The following ANXA4 variants were observed in gnomAD, a reference collection of about 807,000 sequenced individuals.
ANXA4 encodes the protein annexin A4.
ANXA4 carries 39 observed loss-of-function variants against 49.8 expected under a neutral mutation model. That is an observed-to-expected ratio of 0.78 (90% CI 0.61 to 1.02). ANXA4 has a LOEUF of 1.02. Ranked by LOEUF, ANXA4 falls within the 50% of genes least tolerant of loss-of-function variation. The pLI is 0.00. For synonymous variants in ANXA4, 134 were observed against 152.5 expected (o/e 0.88, Z 0.89); for missense variants, 360 against 410.1 (o/e 0.88, Z 1.05).
chr2:69,778,892 G>A lies in ANXA4; in HGVS notation c.-46-2628G>A, dbSNP rs1374728426. 2.0e-5 allele frequency among the ~76,000 whole-genome samples: 3 copies of A among 151,250 alleles called. No homozygotes were observed. In the East Asian group the frequency reaches 5.8e-4, roughly 29 times the overall value. On this transcript the variant is annotated intron_variant, in intron 1 of 12. Coordinates refer to ENST00000394295, the MANE Select transcript of ANXA4 (RefSeq NM_001153.5). ...GTGGGCAGATCACTTGAGGTCAGAA[G>A]TTCAAGACCAGCCTGGCCAATATGG...
chr2:69,811,790 A>G (rs1467082503), intron 7 of ANXA4, among the ~76,000 whole-genome samples: 1 of 152,002 alleles, frequency 6.6e-6, no homozygotes, highest in Non-Finnish European at 1.5e-5. Context: ...ATCATCTCCA[A>G]TTTCCACTTT....
At chr2:69,800,466 G>A (rs1251619820) in intron 3 of ANXA4, among the ~76,000 whole-genome samples, 1 of 152,174 alleles carries the variant, frequency 6.6e-6, no homozygotes, top group African/African-American at 2.4e-5. Context: ...CCTAGTTCTT[G>A]TGTTCAAATA....
At chr2:69,820,878 C>T in intron 12 of ANXA4, 57 bp downstream of exon 12, 2 of 1,563,026 alleles carry the variant, frequency 1.3e-6, no homozygotes, top group East Asian at 2.3e-5. Flanking sequence ...CCCCTCTGAC[C>T]TTGGCATTTA....
intron 2 of ANXA4, among the ~76,000 whole-genome samples, chr2:69,709,795 C>G (rs918942569): frequency 6.6e-6 from 1 of 152,096 alleles, no homozygotes; most frequent in East Asian, 1.9e-4. Context: ...ATTATGCAAG[C>G]CAGGTGTGCT....
chr2:69,818,364 G>A, intron 9 of ANXA4: 1 of 285,734 alleles, frequency 3.5e-6, no homozygotes, highest in Admixed American at 5.2e-5. Context: ...TCCCAGATAA[G>A]GGAAAGGACT....
intron 6 of ANXA4, chr2:69,809,344 C>T (rs1288645655): frequency 6.6e-6 from 1 of 152,178 alleles, no homozygotes; most frequent in African/African-American, 2.4e-5. Context: ...CTGGATTTAG[C>T]AACCCAATCC....
intron 12 of ANXA4, among the ~76,000 whole-genome samples, chr2:69,824,600 A>T (rs956687045): frequency 6.6e-6 from 1 of 152,228 alleles, no homozygotes; most frequent in African/African-American, 2.4e-5. Context: ...GAAAATATAC[A>T]AAAATGTAAC....
intron 2 of ANXA4, among the ~76,000 whole-genome samples, chr2:69,784,318 TA>T (rs1292918453): frequency 3.3e-5 from 5 of 152,236 alleles, no homozygotes; most frequent in Non-Finnish European, 7.3e-5. Flanking sequence ...CCAATTCCTC[TA>T]TCGATTCACC....
chr2:69,750,913 C>T (rs1670813268), intron 1 of ANXA4, among the ~76,000 whole-genome samples: 1 of 152,250 alleles, frequency 6.6e-6, no homozygotes, highest in African/African-American at 2.4e-5. Flanking sequence ...GAGCCTGGAC[C>T]CCTATCTTCA....
At chr2:69,670,271 C>G (rs1020235030) in intron 2 of ANXA4, among the ~76,000 whole-genome samples, 1 of 151,832 alleles carries the variant, frequency 6.6e-6, no homozygotes, top group Non-Finnish European at 1.5e-5. Flanking sequence ...GAAACCCCAT[C>G]TCTACTAAAA....
In ANXA4 at chr2:69,758,107, G is replaced by A. The variant is rs1671135866; in HGVS notation, c.-47+15932G>A. Among the ~76,000 whole-genome samples, 4 of 152,090 alleles carry A rather than the reference G, an allele frequency of 2.6e-5. No homozygotes were observed. The South Asian group carries it at 8.3e-4, about 32-fold the overall frequency. The stretch of plus-strand genomic sequence containing the variant: ...AAATATTTGCAACCTCTGCCTCCTG[G>A]GTTCAAGCAATTCTTGTGCCTCAGC... On this transcript the variant is annotated intron_variant, in intron 1 of 12. Coordinates refer to ENST00000394295, the MANE Select transcript of ANXA4 (RefSeq NM_001153.5).
At chr2:69,671,539 A>G (rs955713080) in intron 2 of ANXA4, among the ~76,000 whole-genome samples, 4 of 152,218 alleles carry the variant, frequency 2.6e-5, no homozygotes, top group Non-Finnish European at 4.4e-5. Context: ...CAACATGGTG[A>G]AACCCTGTCT....
intron 2 of ANXA4, among the ~76,000 whole-genome samples, chr2:69,664,522 A>G (rs529051543): frequency 7.3e-4 from 111 of 152,350 alleles, no homozygotes; most frequent in Admixed American, 2.9e-3. Context: ...CATCAATGGT[A>G]TCAATCAGTT....
intron 2 of ANXA4, among the ~76,000 whole-genome samples, chr2:69,691,378 G>C (rs1039970080): frequency 6.6e-6 from 1 of 151,980 alleles, no homozygotes; most frequent in Non-Finnish European, 1.5e-5. Flanking sequence ...ACCTCCCAAA[G>C]TGCTGGGATT....
rs77053075 is a variant in ANXA4, at chr2:69,645,168, G to A, written n.481+263G>A. 2.7e-3 allele frequency among the ~76,000 whole-genome samples: 415 copies of A among 152,166 alleles called. 3 individuals carry two copies. The highest frequency in any genetic ancestry group is 5.0e-3 in the Non-Finnish European group (339 of 68,004). On this transcript the variant is annotated intron_variant and non_coding_transcript_variant, in intron 1 of 3. Transcript: ENST00000418066. ...TCTTGCTTTCTCTAATCTGAATATTGAGCTGAGCTGTGACTGGGTTAACAG... is the reference window on the plus strand; with the variant it reads ...TCTTGCTTTCTCTAATCTGAATATTAAGCTGAGCTGTGACTGGGTTAACAG...
intron 2 of ANXA4, among the ~76,000 whole-genome samples, chr2:69,666,848 C>T (rs1310656915): frequency 1.3e-5 from 2 of 152,104 alleles, no homozygotes; most frequent in Non-Finnish European, 2.9e-5. Context: ...GAGTTTGAGA[C>T]CAGCCTGGCC....
intron 2 of ANXA4, among the ~76,000 whole-genome samples, chr2:69,654,362 C>A (rs553261811): frequency 6.6e-6 from 1 of 152,042 alleles, no homozygotes; most frequent in African/African-American, 2.4e-5. Flanking sequence ...TGTCTTGTGC[C>A]GGTTTTCAAA....
chr2:69,797,324 C>T (rs1432411849), intron 3 of ANXA4, among the ~76,000 whole-genome samples: 2 of 152,148 alleles, frequency 1.3e-5, no homozygotes, highest in African/African-American at 4.8e-5. Context: ...ATAGTTGCAG[C>T]CCCATGGTTG....
At chr2:69,700,980 C>T (rs943741587) in intron 2 of ANXA4, among the ~76,000 whole-genome samples, 18 of 152,156 alleles carry the variant, frequency 1.2e-4, no homozygotes, top group Admixed American at 6.5e-5. Flanking sequence ...TCAAGAAATT[C>T]TCCTGCCTCA....
Sources: allele counts gnomAD v4.1 joint callset (sites outside exome capture counted in the v4.1 genomes callset), GRCh38; gene constraint gnomAD v4.1.1; transcripts MANE v1.5; gene names NCBI Gene and HGNC (gene_info 2026-07-23, HGNC 2026-07-21).